Variants in ATXN7L1 observed in about 807,000 individuals in gnomAD.
ATXN7L1 encodes the protein ataxin 7 like 1.
In ATXN7L1, 15 loss-of-function variants were observed where a neutral mutation model predicts 70.8. The observed-to-expected ratio is 0.21, with a 90% confidence interval of 0.14 to 0.33. The LOEUF (loss-of-function observed/expected upper bound fraction) is 0.33. Among genes scored for constraint, ATXN7L1 ranks in the 10% least tolerant of loss-of-function variants. ATXN7L1 has a pLI of 1.00. For synonymous variants in ATXN7L1, 440 were observed against 445.1 expected (o/e 0.99, Z 0.14); for missense variants, 975 against 1,097.1 (o/e 0.89, Z 1.57).
chr7:105,660,576 CTTTTTTTTT>C (rs34008024), intron 4 of ATXN7L1, among the ~76,000 whole-genome samples: 1 of 78,140 alleles, frequency 1.3e-5, no homozygotes, highest in African/African-American at 5.3e-5. Context: ...CGGAAGTGAC[CTTTTTTTTT>C]TTTTTTTTTT....
intron 3 of ATXN7L1, among the ~76,000 whole-genome samples, chr7:105,712,293 C>T (rs1417049285): frequency 6.6e-6 from 1 of 152,190 alleles, no homozygotes; most frequent in African/African-American, 2.4e-5. Flanking sequence ...AGACATTTTG[C>T]CCATTGTCTT....
At chr7:105,839,346 A>G (rs1812871647) in intron 2 of ATXN7L1, among the ~76,000 whole-genome samples, 1 of 152,134 alleles carries the variant, frequency 6.6e-6, no homozygotes, top group South Asian at 2.1e-4. Flanking sequence ...CTCCAAATCC[A>G]ACCCTGGGCT....
intron 3 of ATXN7L1, among the ~76,000 whole-genome samples, chr7:105,692,415 T>TGCCCTCCCTCCC (rs1791061937): frequency 7.4e-6 from 1 of 134,764 alleles, no homozygotes. Flanking sequence ...CCTTCCTTCC[T>TGCCCTCCCTCCC]TCCTTCCTTC....
chr7:105,704,292 G>T (rs1352058087), intron 3 of ATXN7L1, among the ~76,000 whole-genome samples: 1 of 152,158 alleles, frequency 6.6e-6, no homozygotes, highest in African/African-American at 2.4e-5. Flanking sequence ...CAGGAAATGT[G>T]TAATTTACAT....
chr7:105,836,145 G>A (rs1046834048), intron 2 of ATXN7L1, among the ~76,000 whole-genome samples: 1 of 152,224 alleles, frequency 6.6e-6, no homozygotes, highest in Non-Finnish European at 1.5e-5. Context: ...AGGGCTGGGG[G>A]AGAAGGGGCA....
rs760194279 is a variant in ATXN7L1 at position 105,876,592 on chromosome 7, G to C, written c.-34C>G. 4 of 1,535,820 alleles carry C rather than the reference G, an allele frequency of 2.6e-6. No individual in the cohort carries two copies. The highest frequency in any genetic ancestry group is 1.4e-5 in the African/African-American group (1 of 72,628). ...CGTTCCGACATTGAGTGTTCTGAAA[G>C]GGGGAGGGAGGGAGGAAGGGCGGGA... On this transcript the variant is annotated 5_prime_UTR_variant, in exon 1 of 12. Transcript: ENST00000419735.
intron 3 of ATXN7L1, among the ~76,000 whole-genome samples, chr7:105,774,068 G>A (rs573434649): frequency 6.6e-6 from 1 of 152,220 alleles, no homozygotes; most frequent in South Asian, 2.1e-4. Flanking sequence ...ACCATCACCA[G>A]TACCCACCTC....
intron 3 of ATXN7L1, among the ~76,000 whole-genome samples, chr7:105,682,652 A>G (rs1805684633): frequency 1.3e-5 from 2 of 152,272 alleles, no homozygotes; most frequent in Admixed American, 1.3e-4. Context: ...TCTCAAAAAC[A>G]TGATGGTAAA....
At chr7:105,761,901 C>G (rs1800608757) in intron 3 of ATXN7L1, among the ~76,000 whole-genome samples, 2 of 152,222 alleles carry the variant, frequency 1.3e-5, no homozygotes, top group African/African-American at 4.8e-5. Context: ...TTAGCTATCT[C>G]CTTCTCAGTG....
intron 2 of ATXN7L1, among the ~76,000 whole-genome samples, chr7:105,798,831 T>C (rs1298810217): frequency 1.3e-5 from 2 of 152,166 alleles, no homozygotes; most frequent in African/African-American, 4.8e-5. Context: ...TTTCTTCTAT[T>C]TGGATGAAAA....
chr7:105,726,106 T>C (rs920029655), intron 3 of ATXN7L1, among the ~76,000 whole-genome samples: 3 of 152,148 alleles, frequency 2.0e-5, no homozygotes, highest in African/African-American at 2.4e-5. Context: ...TTTGCCACTT[T>C]GGCCAGGCTG....
Position 105,642,885 on chromosome 7 carries a change from T to C in ATXN7L1, c.815A>G (p.His272Arg). The change falls in exon 5 of 12, where the codon CAC becomes CGC. Residue 272 changes from histidine (H) to arginine (R), a missense_variant. Physicochemically the swap from His to Arg is conservative, Grantham distance 29 (BLOSUM62 0). Around this residue, in one of 5 missense-constraint regions of ATXN7L1, gnomAD observed 192 missense variants for 215.5 expected, o/e 0.89. Transcript: ENST00000419735. The part of the protein sequence containing the change: ...GILPTTIDKK[H>R]QNGTKNSNKP... ...GTTGCTGTTTTTGGTGCCATTTTGG[T>C]GTTTCTTGTCTATGGTGGTTGGCAG... 1 of 1,551,736 alleles carries C rather than the reference T, an allele frequency of 6.4e-7. No individual in the cohort carries two copies. Among genetic ancestry groups the C allele is most frequent in the South Asian group, 1.2e-5 (1 of 84,062 alleles).
At chr7:105,662,062 CCTTCCTTCCTTCCTTCCTTCTTTCT>C (rs1266474899) in intron 4 of ATXN7L1, among the ~76,000 whole-genome samples, 16 of 85,584 alleles carry the variant, frequency 1.9e-4, no homozygotes, top group African/African-American at 5.0e-4. Flanking sequence ...TTCCTTCCTT[CCTTCCTTCCTTCCTTCCTTCTTTCT>C]TTTCTTTTCT....
chr7:105,659,215 G>A (rs956263745), intron 4 of ATXN7L1, among the ~76,000 whole-genome samples: 2 of 152,228 alleles, frequency 1.3e-5, no homozygotes, highest in Non-Finnish European at 2.9e-5. Flanking sequence ...TAACATGTGT[G>A]TCACACATTA....
rs903278642 is a variant in ATXN7L1 at position 105,826,477 on chromosome 7, A to C, written c.251-37769T>G. ...TCCAAACTTGAATTACTGGACTGTA[A>C]TATTATTTAGCACTGTGCTAAGAAA... On this transcript the variant is annotated intron_variant, in intron 2 of 11. Coordinates refer to ENST00000419735, the MANE Select transcript of ATXN7L1 (RefSeq NM_020725.2). Among the ~76,000 whole-genome samples, 22 of 152,354 alleles carry C rather than the reference A, an allele frequency of 1.4e-4. 1 individual carries two copies. The highest frequency in any genetic ancestry group is 3.4e-3 in the Middle Eastern group (1 of 294).
intron 3 of ATXN7L1, among the ~76,000 whole-genome samples, chr7:105,710,944 G>T (rs536761947): frequency 1.3e-5 from 2 of 152,140 alleles, no homozygotes; most frequent in African/African-American, 4.8e-5. Context: ...GTCTTACATG[G>T]ATGGCAGCAG....
chr7:105,829,686 A>C (rs1442716820), intron 2 of ATXN7L1, among the ~76,000 whole-genome samples: 3 of 152,236 alleles, frequency 2.0e-5, no homozygotes, highest in Non-Finnish European at 4.4e-5. Flanking sequence ...TTCAGCATGC[A>C]TTATCAAAAT....
At chr7:105,782,125 C>T (rs954175123) in intron 3 of ATXN7L1, among the ~76,000 whole-genome samples, 1 of 152,134 alleles carries the variant, frequency 6.6e-6, no homozygotes, top group Admixed American at 6.5e-5. Flanking sequence ...TGAGCCACTG[C>T]GCCTGGCCTA....
chr7:105,746,206 C>T (rs1344628121), intron 3 of ATXN7L1, among the ~76,000 whole-genome samples: 1 of 152,222 alleles, frequency 6.6e-6, no homozygotes, highest in Non-Finnish European at 1.5e-5. Flanking sequence ...TTACAAGCAC[C>T]TTGTGACGGT....
Sources: gnomAD v4.1 joint callset for allele counts (sites outside exome capture counted in the v4.1 genomes callset) on GRCh38, gnomAD v4.1.1 for gene constraint, gnomAD v4.1.1 regional missense constraint, MANE v1.5 for transcripts, NCBI Gene and HGNC (gene_info 2026-07-23, HGNC 2026-07-21) for gene names.